TBC1D8: variants seen among roughly 807,000 people sequenced by gnomAD.
The protein encoded by TBC1D8 is TBC1 domain family member 8.
A neutral mutation model predicts 118.8 loss-of-function variants in TBC1D8; 65 were observed. The observed-to-expected ratio is 0.55, with a 90% confidence interval of 0.45 to 0.67. The LOEUF (loss-of-function observed/expected upper bound fraction) is 0.67. TBC1D8 is among the 30% of genes least tolerant of loss of function. TBC1D8 has a pLI of 0.00. For synonymous variants in TBC1D8, 566 were observed against 595.8 expected, an observed-to-expected ratio of 0.95 and a Z score of 0.73; for missense variants, 1,376 against 1,471.2, an observed-to-expected ratio of 0.94 and a Z score of 1.06.
At chr2:101,041,065 A>T (rs558525945) in intron 5 of TBC1D8, among the ~76,000 whole-genome samples, 1 of 152,340 alleles carries the variant, frequency 6.6e-6, no homozygotes, top group Non-Finnish European at 1.5e-5. Context: ...GGATGTGGGG[A>T]AATTGGAACC....
intron 15 of TBC1D8, among the ~76,000 whole-genome samples, chr2:101,024,626 C>G (rs1279953582): frequency 2.0e-5 from 3 of 152,102 alleles, no homozygotes; most frequent in Non-Finnish European, 4.4e-5. Context: ...AGGCTGGTCT[C>G]AAACTCTGGA....
In TBC1D8 at chr2:101,023,131, C is replaced by T. The variant is rs573453789; in HGVS notation, c.2521-610G>A. Among the ~76,000 whole-genome samples the T allele has an allele frequency of 7.1e-5, 10 of 141,484 alleles. No individual in the cohort carries two copies. The Middle Eastern group carries it at 0.011, about 154-fold the overall frequency. 92.8% of individuals were successfully genotyped at this position (141,484 alleles called of 152,430 possible). ...CTGCACTCCAGCCTGGGCAACAGAGCGTTTTTTTTGTTTGTTTGTTTTCCT... is the reference window on the plus strand; with the variant it reads ...CTGCACTCCAGCCTGGGCAACAGAGTGTTTTTTTTGTTTGTTTGTTTTCCT... On this transcript the variant is annotated intron_variant, in intron 15 of 19. Transcript: ENST00000409318.
rs776659626 is a variant in TBC1D8, at chr2:101,011,510, G to A, written c.2858C>T (p.Ser953Leu). The change falls in exon 18 of 20, where the codon TCG (serine) becomes TTG (leucine). Residue 953 changes from serine to leucine, a missense_variant. Physicochemically the swap from Ser to Leu is moderately radical, Grantham distance 145 (BLOSUM62 -2). Transcript: ENST00000409318. ...ALTENDRDSQ[S>L]PLRNPLLSTS... ...TGACAACAGAGGATTCCTCAACGGC[G>A]ACTGGCTGTCTCGGTCATTTTCAGT... 7.4e-6 allele frequency: 12 copies of A among 1,613,804 alleles called. No individual in the cohort carries two copies. Among genetic ancestry groups the A allele is most frequent in the Admixed American group, 1.7e-5 (1 of 59,990 alleles).
intron 2 of TBC1D8, among the ~76,000 whole-genome samples, chr2:101,077,804 C>T (rs530060324): frequency 6.6e-6 from 1 of 152,064 alleles, no homozygotes; most frequent in Admixed American, 6.6e-5. Context: ...TGAAAGACCA[C>T]CAGGTTAGGA....
rs980511841 is a variant in TBC1D8 at position 101,150,155 on chromosome 2, C to T, written c.127+972G>A. Among the ~76,000 whole-genome samples the T allele has an allele frequency of 3.9e-5, 6 of 152,254 alleles. No homozygotes were observed. The South Asian group carries it at 1.2e-3, about 32-fold the overall frequency. ...CCAGGCGTGTTAGTACATCTCCTAC[C>T]AGACTCAACCTCAAAAAGGCCTTCC... is the stretch of plus-strand genomic sequence containing the variant. On this transcript the variant is annotated intron_variant, in intron 1 of 19. Transcript: ENST00000409318.
intron 14 of TBC1D8, among the ~76,000 whole-genome samples, chr2:101,027,806 C>T (rs918852831): frequency 9.2e-5 from 14 of 152,246 alleles, no homozygotes; most frequent in Non-Finnish European, 1.6e-4. Context: ...CATTTAACTG[C>T]GCAGCAGGCA....
rs979521703 is a variant in TBC1D8, at chr2:101,054,240, T to A, written c.499A>T (p.Asn167Tyr). ...ACCAGCTTCTCCGCCTCGGGGAAGT[T>A]GAACCTGGCCTCGAACTTCACCAGG... Reference protein sequence around the residue: ...EALVKFEARFNFPEAEKLVTY... With the variant: ...EALVKFEARFYFPEAEKLVTY... Residue 167 changes from asparagine (N) to tyrosine (Y), a missense_variant, in exon 4 of 20, where the codon AAC (asparagine) becomes TAC (tyrosine). Physicochemically the swap from Asn to Tyr is moderately radical, Grantham distance 143. Coordinates refer to ENST00000409318, the MANE Select transcript of TBC1D8 (RefSeq NM_001330348.2). 3.7e-6 allele frequency: 6 copies of A among 1,607,878 alleles called. No individual in the cohort carries two copies. Among genetic ancestry groups the A allele is most frequent in the African/African-American group, 2.7e-5 (2 of 74,830 alleles).
At chr2:101,060,434 G>A (rs183856321) in intron 2 of TBC1D8, among the ~76,000 whole-genome samples, 6 of 152,256 alleles carry the variant, frequency 3.9e-5, no homozygotes, top group South Asian at 2.1e-4. Flanking sequence ...AGCAATGACC[G>A]TTAAAAACAT....
At chr2:101,122,280 C>T (rs1427236870) in intron 1 of TBC1D8, among the ~76,000 whole-genome samples, 1 of 148,966 alleles carries the variant, frequency 6.7e-6, no homozygotes, top group Admixed American at 6.8e-5. Context: ...ACCATATTGG[C>T]CAGGCTGGTC....
chr2:101,087,018 A>T (rs920002563), intron 2 of TBC1D8, among the ~76,000 whole-genome samples: 1 of 152,070 alleles, frequency 6.6e-6, no homozygotes, highest in African/African-American at 2.4e-5. Context: ...TCCTGACCTC[A>T]GGTGATCCGC....
At chr2:101,100,336 C>T (rs1039455965) in intron 1 of TBC1D8, among the ~76,000 whole-genome samples, 1 of 152,134 alleles carries the variant, frequency 6.6e-6, no homozygotes, top group African/African-American at 2.4e-5. Flanking sequence ...AAGAGAACTA[C>T]AAACCACTGC....
At position 101,151,084 on chromosome 2, in the gene TBC1D8, G is replaced by A. The variant is rs1558735911; in HGVS notation, c.127+43C>T. On this transcript the variant is annotated intron_variant, in intron 1 of 19. Transcript: ENST00000409318. ...GGCCGCGGGCCCGGCGGGGTGCGAGGCCCCGGGCCCGGCCGCCGCGCCCGC... is the reference window on the plus strand; with the variant it reads ...GGCCGCGGGCCCGGCGGGGTGCGAGACCCCGGGCCCGGCCGCCGCGCCCGC... 33 of 1,001,046 alleles carry A rather than the reference G, an allele frequency of 3.3e-5. 1 individual carries two copies. In the East Asian group the frequency reaches 7.7e-4, roughly 23 times the overall value. 62.0% of individuals were successfully genotyped at this position (1,001,046 alleles called of 1,614,324 possible).
intron 1 of TBC1D8, among the ~76,000 whole-genome samples, chr2:101,100,737 C>T (rs1421481538): frequency 2.0e-5 from 3 of 152,070 alleles, no homozygotes; most frequent in Non-Finnish European, 4.4e-5. Flanking sequence ...TAACACCACA[C>T]GTCTACAACC....
At chr2:101,086,635 T>G (rs913479408) in intron 2 of TBC1D8, among the ~76,000 whole-genome samples, 12 of 151,792 alleles carry the variant, frequency 7.9e-5, no homozygotes, top group African/African-American at 2.9e-4. Flanking sequence ...AGGAAGGCCC[T>G]AGAACAACAG....
chr2:101,027,570 C>T, intron 14 of TBC1D8, 119 bp from the exon 15 acceptor site: 1 of 806,658 alleles, frequency 1.2e-6, no homozygotes, highest in Non-Finnish European at 2.1e-6. Context: ...CAGCTTCTCT[C>T]CCACAAAGGC....
chr2:101,083,709 A>G (rs1675411825), intron 2 of TBC1D8, among the ~76,000 whole-genome samples: 1 of 152,182 alleles, frequency 6.6e-6, no homozygotes, highest in South Asian at 2.1e-4. Flanking sequence ...GTGAAGATAT[A>G]AATCATTCGT....
Position 101,054,203 on chromosome 2 carries a change from G to T in TBC1D8, c.536C>A (p.Ser179Tyr). Residue 179 changes from serine (S) to tyrosine (Y), a missense_variant, in exon 4 of 20, where the codon TCC (serine) becomes TAC (tyrosine). Ser to Tyr is a moderately radical substitution (Grantham distance 144, BLOSUM62 -2). Coordinates refer to ENST00000409318, the MANE Select transcript of TBC1D8 (RefSeq NM_001330348.2). ...PEAEKLVTYY[S>Y]CCCWKGRVPR... ...CACCCTGCCCTTCCAACAGCAGCAGGAGTAGTAGGTGACCAGCTTCTCCGC... is the reference window on the plus strand; with the variant it reads ...CACCCTGCCCTTCCAACAGCAGCAGTAGTAGTAGGTGACCAGCTTCTCCGC... 1 of 1,612,988 alleles carries T rather than the reference G, an allele frequency of 6.2e-7. No homozygotes were observed. Among genetic ancestry groups the T allele is most frequent in the East Asian group, 2.2e-5 (1 of 44,860 alleles).
intron 17 of TBC1D8, among the ~76,000 whole-genome samples, chr2:101,015,110 T>C (rs1182733400): frequency 6.6e-6 from 1 of 152,196 alleles, no homozygotes; most frequent in Non-Finnish European, 1.5e-5. Context: ...GCCTATAAAG[T>C]CTGTTGTTCC....
intron 1 of TBC1D8, among the ~76,000 whole-genome samples, chr2:101,100,240 C>T (rs549473722): frequency 1.3e-5 from 2 of 152,234 alleles, no homozygotes; most frequent in South Asian, 2.1e-4. Flanking sequence ...AGAGCCAAAT[C>T]ATCAATGAAC....
Sources: gnomAD v4.1 joint callset for allele counts (sites outside exome capture counted in the v4.1 genomes callset) on GRCh38, gnomAD v4.1.1 for gene constraint, MANE v1.5 for transcripts, NCBI Gene and HGNC (gene_info 2026-07-23, HGNC 2026-07-21) for gene names.